ROR1: variants seen among roughly 807,000 people sequenced by gnomAD.
The protein encoded by ROR1 is ROR family WNT receptor 1, also known as inactive tyrosine-protein kinase transmembrane receptor ROR1.
ROR1 carries 19 observed loss-of-function variants against 78.8 expected under a neutral mutation model. The ratio of observed to expected loss-of-function variants is 0.24; its 90% CI spans 0.17 to 0.35. The LOEUF (loss-of-function observed/expected upper bound fraction) is 0.35. ROR1 is among the 10% of genes least tolerant of loss of function. The pLI, the probability that ROR1 is intolerant of heterozygous loss-of-function variation, is 1.00. For synonymous variants in ROR1, 386 were observed against 433.6 expected (o/e 0.89, Z 1.36); for missense variants, 917 against 1,177.8 (o/e 0.78, Z 3.24).
At chr1:63,925,642 T>C (rs11208317) in intron 1 of ROR1, among the ~76,000 whole-genome samples, 3,019 of 150,264 alleles carry the variant, frequency 0.02, 95 homozygotes, top group African/African-American at 0.072. Context: ...AGTGTAAAAG[T>C]TTTCCTATTT....
In ROR1 at chr1:63,998,886, CT is replaced by C. The variant is rs565252215; in HGVS notation, c.92-10418del. 9.6e-4 allele frequency among the ~76,000 whole-genome samples: 146 copies of C among 152,284 alleles called. 4 individuals are homozygous for C. Among genetic ancestry groups the C allele is most frequent in the Non-Finnish European group, 8.7e-4 (59 of 68,020 alleles). On this transcript the variant is annotated intron_variant, in intron 1 of 8. Coordinates refer to ENST00000371079, the MANE Select transcript of ROR1 (RefSeq NM_005012.4). ...AATTGAATCGTGGGGACGGTTTCCC[CT>C]GTACTGTTCTTGTGGTAGTGACTAA...
At position 63,780,621 on chromosome 1, in the gene ROR1, T is replaced by C. The variant is rs1009386178; in HGVS notation, c.91+6113T>C. ...AAGGTAGCAACCAAGGCTCAGAGAA[T>C]AGCAAGTTTTACAAGGTTTTAGGAC... On this transcript the variant is annotated intron_variant, in intron 1 of 8. Coordinates refer to ENST00000371079, the MANE Select transcript of ROR1 (RefSeq NM_005012.4). 1.6e-4 allele frequency among the ~76,000 whole-genome samples: 24 copies of C among 152,226 alleles called. No individual in the cohort carries two copies. In the East Asian group the frequency reaches 3.3e-3, roughly 21 times the overall value.
intron 1 of ROR1, among the ~76,000 whole-genome samples, chr1:63,861,775 A>G (rs1204172673): frequency 6.6e-6 from 1 of 152,178 alleles, no homozygotes; most frequent in Non-Finnish European, 1.5e-5. Flanking sequence ...CAGGATGTTA[A>G]GAAAGGGTTC....
intron 4 of ROR1, chr1:64,111,173 G>A (rs1648079185): frequency 2.0e-5 from 3 of 152,094 alleles, no homozygotes; most frequent in African/African-American, 2.4e-5. Context: ...GCTTTTAGGA[G>A]CCAGACTTAA....
At chr1:63,911,472 G>A (rs1004388415) in intron 1 of ROR1, among the ~76,000 whole-genome samples, 5 of 152,076 alleles carry the variant, frequency 3.3e-5, no homozygotes, top group African/African-American at 1.2e-4. Context: ...TCATAGAAGT[G>A]CAAACCCTAT....
At chr1:64,145,648 T>A (rs1269785448) in intron 7 of ROR1, among the ~76,000 whole-genome samples, 1 of 152,220 alleles carries the variant, frequency 6.6e-6, no homozygotes, top group Admixed American at 6.5e-5. Context: ...TTATGACATT[T>A]TCCGTGTTAT....
chr1:64,178,039 T>C lies in ROR1; in HGVS notation c.1998T>C (p.Tyr666=). 1 of 1,614,212 alleles carries C rather than the reference T, an allele frequency of 6.2e-7. No homozygotes were observed. Among genetic ancestry groups the C allele is most frequent in the East Asian group, 2.2e-5 (1 of 44,874 alleles). ...IRWMPPEAIM[Y]GKFSSDSDIW... ...GGATGCCCCCTGAAGCCATCATGTATGGCAAATTCTCTTCTGATTCAGATA... is the reference window on the plus strand; with the variant it reads ...GGATGCCCCCTGAAGCCATCATGTACGGCAAATTCTCTTCTGATTCAGATA... Residue 666 remains tyrosine (Y), a synonymous_variant, in exon 9 of 9, where the codon TAT becomes TAC. Transcript: ENST00000371079. The surrounding 1 kb of genome is among the most constrained non-coding windows in gnomAD (Gnocchi z 4.3).
intron 4 of ROR1, among the ~76,000 whole-genome samples, chr1:64,115,876 G>A (rs770233103): frequency 2.0e-5 from 3 of 151,990 alleles, no homozygotes; most frequent in Non-Finnish European, 4.4e-5. Flanking sequence ...CATGATTCTT[G>A]TATGGAACAA....
At chr1:63,893,336 C>A (rs1296104987) in intron 1 of ROR1, among the ~76,000 whole-genome samples, 1 of 152,042 alleles carries the variant, frequency 6.6e-6, no homozygotes, top group Non-Finnish European at 1.5e-5. Flanking sequence ...CTGCTTACAT[C>A]ATGTGGGAGA....
At chr1:63,940,494 C>CAGATAGAT (rs1315855737) in intron 1 of ROR1, among the ~76,000 whole-genome samples, 7 of 77,846 alleles carry the variant, frequency 9.0e-5, no homozygotes, top group Middle Eastern at 6.9e-3. Context: ...GATAGATAGA[C>CAGATAGAT]AGACAGATAG....
At chr1:63,825,070 T>G (rs991836933) in intron 1 of ROR1, among the ~76,000 whole-genome samples, 1 of 152,168 alleles carries the variant, frequency 6.6e-6, no homozygotes, top group Non-Finnish European at 1.5e-5. Context: ...GAAATCCTCA[T>G]CCATTTCTGG....
At position 64,046,342 on chromosome 1, in the gene ROR1, ACTT is replaced by A. The variant is rs537633464; in HGVS notation, c.164-3341_164-3339del. On this transcript the variant is annotated intron_variant, in intron 2 of 8. Coordinates refer to ENST00000371079, the MANE Select transcript of ROR1 (RefSeq NM_005012.4). ...GCTACAGATGGCCAACAAATTTGAA[ACTT>A]CTTCTTCGTCAGTGAAAAGTTAAAA... is the stretch of plus-strand genomic sequence containing the variant. 4.2e-3 allele frequency among the ~76,000 whole-genome samples: 635 copies of A among 152,172 alleles called. 2 individuals are homozygous for A. Among genetic ancestry groups the A allele is most frequent in the African/African-American group, 0.015 (605 of 41,502 alleles).
intron 2 of ROR1, among the ~76,000 whole-genome samples, chr1:64,040,256 C>T (rs967468049): frequency 6.6e-6 from 1 of 152,104 alleles, no homozygotes; most frequent in Admixed American, 6.5e-5. Flanking sequence ...CACCAAAACT[C>T]AAGGACCAAT....
intron 1 of ROR1, among the ~76,000 whole-genome samples, chr1:63,986,981 A>G (rs1646258234): frequency 6.6e-6 from 1 of 152,056 alleles, no homozygotes; most frequent in African/African-American, 2.4e-5. Flanking sequence ...AGAGAACCAA[A>G]CCCACAACAT....
At chr1:63,849,223 T>G (rs1251728703) in intron 1 of ROR1, among the ~76,000 whole-genome samples, 1 of 152,252 alleles carries the variant, frequency 6.6e-6, no homozygotes, top group East Asian at 1.9e-4. Flanking sequence ...AAATTATTAA[T>G]GGTAATTGTT....
At chr1:64,067,886 G>C (rs1468808650) in intron 4 of ROR1, among the ~76,000 whole-genome samples, 1 of 151,836 alleles carries the variant, frequency 6.6e-6, no homozygotes, top group Non-Finnish European at 1.5e-5. Context: ...GTAATTTTTT[G>C]TATTTTTAGT....
chr1:64,028,292 A>G (rs1054178058), intron 2 of ROR1, among the ~76,000 whole-genome samples: 1 of 152,220 alleles, frequency 6.6e-6, no homozygotes, highest in Non-Finnish European at 1.5e-5. Context: ...TCTGTCCTCA[A>G]GATGCTCACA....
intron 1 of ROR1, among the ~76,000 whole-genome samples, chr1:63,787,121 A>G (rs901251144): frequency 6.6e-6 from 1 of 152,098 alleles, no homozygotes; most frequent in African/African-American, 2.4e-5. Context: ...CCTCCCTGGC[A>G]TATCCAGCTC....
At chr1:63,796,281 A>C (rs1644759454) in intron 1 of ROR1, among the ~76,000 whole-genome samples, 1 of 152,114 alleles carries the variant, frequency 6.6e-6, no homozygotes, top group South Asian at 2.1e-4. Context: ...CACACAAAAC[A>C]CTTGCCTTCT....
Sources: allele counts gnomAD v4.1 joint callset (sites outside exome capture counted in the v4.1 genomes callset), GRCh38; gene constraint gnomAD v4.1.1; non-coding constraint Gnocchi (gnomAD v3.1); transcripts MANE v1.5; gene names NCBI Gene and HGNC (gene_info 2026-07-23, HGNC 2026-07-21).